Variants in PRR14L observed in about 807,000 individuals in gnomAD.
PRR14L encodes protein PRR14L.
PRR14L carries 80 observed loss-of-function variants against 155.0 expected under a neutral mutation model. That is an observed-to-expected ratio of 0.52 (90% CI 0.43 to 0.62). The LOEUF is 0.62. PRR14L is among the 20% of genes least tolerant of loss of function. The pLI, the probability that PRR14L is intolerant of heterozygous loss-of-function variation, is 0.00. For missense variants in PRR14L, 2,469 were observed against 2,548.0 expected, an observed-to-expected ratio of 0.97 and a Z score of 0.67; for synonymous variants, 883 against 916.0, an observed-to-expected ratio of 0.96 and a Z score of 0.65.
chr22:31,716,162 T>C lies in PRR14L; in HGVS notation c.1677A>G (p.Glu559=), dbSNP rs1200054101. 1.3e-6 allele frequency: 2 copies of C among 1,551,382 alleles called. No homozygotes were observed. The highest frequency in any genetic ancestry group is 1.7e-6 in the Non-Finnish European group (2 of 1,146,812). The change falls in exon 4 of 9, where the codon GAA becomes GAG. Residue 559 remains glutamate (E), a synonymous_variant. Transcript: ENST00000327423. ...CAAACAGAAAATCATTACATGATGC[T>C]TCATTTAACTGGGTGTTGCCTTCCA... is the stretch of plus-strand genomic sequence containing the variant. The part of the protein sequence containing the change: ...RNLEGNTQLN[E]ASCNDFLFER...
rs73884207 is a variant in PRR14L, at chr22:31,716,454, T to A, written c.1385A>T (p.Asn462Ile). The A allele has an allele frequency of 1.3e-6, 2 of 1,551,296 alleles. No individual in the cohort carries two copies. Residue 462 changes from asparagine to isoleucine, a missense_variant, in exon 4 of 9, where the codon AAT becomes ATT. By Grantham distance (149) the Asn-to-Ile change is moderately radical. Around this residue, in one of 2 missense-constraint regions of PRR14L, gnomAD observed 2,363 missense variants for 2,371.6 expected, o/e 1.00. Coordinates refer to ENST00000327423, the MANE Select transcript of PRR14L (RefSeq NM_173566.3). Reference sequence around the variant, plus strand: ...TACTTCTGTGGCTTCAGTAAAAGAATTGGGCATTAAAGAACTAGAGTTCCC... The same window carrying A: ...TACTTCTGTGGCTTCAGTAAAAGAAATGGGCATTAAAGAACTAGAGTTCCC... ...HTGNSSSLMP[N>I]SFTEATEVML...
chr22:31,690,017 A>G (rs1463007932), intron 7 of PRR14L, among the ~76,000 whole-genome samples: 1 of 152,032 alleles, frequency 6.6e-6, no homozygotes, highest in Non-Finnish European at 1.5e-5. Flanking sequence ...CCCGGGTTCA[A>G]GCGATTCTCC....
intron 2 of PRR14L, among the ~76,000 whole-genome samples, chr22:31,737,153 G>A (rs373540323): frequency 2.0e-5 from 3 of 151,808 alleles, no homozygotes; most frequent in East Asian, 1.9e-4. Flanking sequence ...ACCCTGTGGA[G>A]AGAGTCCGCT....
chr22:31,696,372 C>T (rs947152873), intron 7 of PRR14L, among the ~76,000 whole-genome samples: 31 of 152,096 alleles, frequency 2.0e-4, no homozygotes, highest in Non-Finnish European at 4.0e-4. Context: ...AACTTCTGAC[C>T]TCACAATCCA....
At position 31,716,136 on chromosome 22, in the gene PRR14L, T is replaced by C. The variant is rs1197725846; in HGVS notation, c.1703A>G (p.Glu568Gly). 1.3e-6 allele frequency: 2 copies of C among 1,551,420 alleles called. No individual in the cohort carries two copies. The highest frequency in any genetic ancestry group is 1.7e-6 in the Non-Finnish European group (2 of 1,146,936). ...CATTAAACTCACAATGGATTTTCTT[T>C]CAAACAGAAAATCATTACATGATGC... ...NEASCNDFLF[E>G]RKSIVSLMPE... Residue 568 changes from glutamate to glycine, a missense_variant, in exon 4 of 9, where the codon GAA becomes GGA. Physicochemically the swap from Glu to Gly is moderately conservative, Grantham distance 98. Transcript: ENST00000327423.
rs528051178 is a variant in PRR14L at position 31,724,457 on chromosome 22, G to C, written c.547+1081C>G. ...GCTCTGTTGCCCAGGATGGAGTACAGTGGTGTGATCACGGCTCACTACAGC... is the reference window on the plus strand; with the variant it reads ...GCTCTGTTGCCCAGGATGGAGTACACTGGTGTGATCACGGCTCACTACAGC... On this transcript the variant is annotated intron_variant, in intron 3 of 8. Coordinates refer to ENST00000327423, the MANE Select transcript of PRR14L (RefSeq NM_173566.3). Among the ~76,000 whole-genome samples, 7 of 152,304 alleles carry C rather than the reference G, an allele frequency of 4.6e-5. No homozygotes were observed. The East Asian group carries it at 1.4e-3, about 29-fold the overall frequency.
Position 31,738,782 on chromosome 22 carries a change from C to G in PRR14L, c.79G>C (p.Glu27Gln), listed in dbSNP as rs1239540881. 5 of 1,551,770 alleles carry G rather than the reference C, an allele frequency of 3.2e-6. No individual in the cohort carries two copies. Among genetic ancestry groups the G allele is most frequent in the Non-Finnish European group, 4.4e-6 (5 of 1,147,072 alleles). The change falls in exon 2 of 9, where the codon GAA becomes CAA. Residue 27 changes from glutamate to glutamine, a missense_variant. Glu to Gln is a conservative substitution (Grantham distance 29). Around this residue, in one of 2 missense-constraint regions of PRR14L, gnomAD observed 2,363 missense variants for 2,371.6 expected, o/e 1.00. Transcript: ENST00000327423. ...TCTCTGGAGACACTTACTGGGAGTT[C>G]AGAGTATAATTCCTGTACCACGGCA... ...MSAVVQELYS[E>Q]LPVSVSRELH...
Position 31,716,905 on chromosome 22 carries a change from G to A in PRR14L, c.934C>T (p.His312Tyr), listed in dbSNP as rs1288155816. The A allele has an allele frequency of 6.4e-7, 1 of 1,552,066 alleles. No homozygotes were observed. The highest frequency in any genetic ancestry group is 1.2e-5 in the South Asian group (1 of 84,054). ...PNLVCEADDN[H>Y]QQLHGHHNEQ... ...TTATGGTGGCCATGAAGCTGTTGGT[G>A]ATTGTCATCTGCTTCACAGACCAGG... The change falls in exon 4 of 9, where the codon CAC becomes TAC. Residue 312 changes from histidine (H) to tyrosine (Y), a missense_variant. His to Tyr is a moderately conservative substitution (Grantham distance 83, BLOSUM62 2). Coordinates refer to ENST00000327423, the MANE Select transcript of PRR14L (RefSeq NM_173566.3).
intron 7 of PRR14L, among the ~76,000 whole-genome samples, chr22:31,689,922 T>A (rs2074502804): frequency 6.6e-6 from 1 of 151,954 alleles, no homozygotes; most frequent in Middle Eastern, 3.4e-3. Context: ...ATTTTTGATT[T>A]TTTTTTTTCT....
Position 31,713,364 on chromosome 22 carries a change from G to A in PRR14L, c.4475C>T (p.Pro1492Leu), listed in dbSNP as rs2074634762. 2 of 1,552,072 alleles carry A rather than the reference G, an allele frequency of 1.3e-6. No homozygotes were observed. The highest frequency in any genetic ancestry group is 1.2e-5 in the South Asian group (1 of 84,046). ...AGAGGAGGGGTCTTGTGCTTTCCGA[G>A]GGGCACCAAGAAGGCAAGGACTTGT... ...SCTSPCLLGA[P>L]RKAQDPSSAG... is the part of the protein sequence containing the mutation. Residue 1492 changes from proline (P) to leucine (L), a missense_variant, in exon 4 of 9, where the codon CCT (proline) becomes CTT (leucine). Coordinates refer to ENST00000327423, the MANE Select transcript of PRR14L (RefSeq NM_173566.3).
intron 3 of PRR14L, among the ~76,000 whole-genome samples, chr22:31,723,945 T>C (rs2074703834): frequency 1.3e-5 from 2 of 152,232 alleles, no homozygotes. Context: ...AGCAGGCAAG[T>C]GAGCAAAGCT....
intron 7 of PRR14L, among the ~76,000 whole-genome samples, chr22:31,699,981 T>C (rs1209230533): frequency 6.6e-6 from 1 of 152,064 alleles, no homozygotes; most frequent in East Asian, 1.9e-4. Context: ...CCCCTTTCTG[T>C]ATATTGGAAT....
chr22:31,709,577 T>C (rs2074610450), intron 4 of PRR14L, among the ~76,000 whole-genome samples: 1 of 137,996 alleles, frequency 7.2e-6, no homozygotes, highest in South Asian at 2.5e-4. Context: ...AGTCTTGCTC[T>C]GTTGACAGGC....
rs201975358 is a variant in PRR14L, at chr22:31,715,470, C to A, written c.2369G>T (p.Arg790Leu). 3.2e-6 allele frequency: 5 copies of A among 1,552,304 alleles called. No homozygotes were observed. The highest frequency in any genetic ancestry group is 4.4e-6 in the Non-Finnish European group (5 of 1,147,108). The stretch of plus-strand genomic sequence containing the variant: ...TTCCTGGGATACATTTTTTCTTACA[C>A]GATGACAGCTAGAGATATCCTGAGA... ...VQSQDISSCH[R>L]VRKNVSQENM... The change falls in exon 4 of 9, where the codon CGT becomes CTT. Residue 790 changes from arginine (R) to leucine (L), a missense_variant. Physicochemically the swap from Arg to Leu is moderately radical, Grantham distance 102. This residue lies in a region of PRR14L where 2,363 missense variants were observed against 2,371.6 expected (regional missense o/e 1.00). Transcript: ENST00000327423.
At chr22:31,736,866 G>A (rs901432580) in intron 2 of PRR14L, among the ~76,000 whole-genome samples, 14 of 151,006 alleles carry the variant, frequency 9.3e-5, no homozygotes, top group South Asian at 2.1e-4. Flanking sequence ...GTGAAACCCC[G>A]TCTCTACTAA....
At chr22:31,706,135 C>T in intron 4 of PRR14L, among the ~76,000 whole-genome samples, 1 of 151,882 alleles carries the variant, frequency 6.6e-6, no homozygotes, top group Non-Finnish European at 1.5e-5. Flanking sequence ...AATTCAAGAC[C>T]AGCCTGGCCA....
chr22:31,745,777 G>A (rs1328850819), intron 1 of PRR14L, among the ~76,000 whole-genome samples: 3 of 151,412 alleles, frequency 2.0e-5, no homozygotes, highest in Non-Finnish European at 4.4e-5. Context: ...AACCTGGGAG[G>A]CAGAGGTTGC....
Position 31,713,721 on chromosome 22 carries a change from GA to G in PRR14L, c.4117del (p.Ser1373LeufsTer53). 1 of 1,552,360 alleles carries G rather than the reference GA, an allele frequency of 6.4e-7. No homozygotes were observed. Among genetic ancestry groups the G allele is most frequent in the Non-Finnish European group, 8.7e-7 (1 of 1,147,160 alleles). On this transcript the variant is annotated frameshift_variant, in exon 4 of 9. Coordinates refer to ENST00000327423, the MANE Select transcript of PRR14L (RefSeq NM_173566.3). LOFTEE classifies it high-confidence loss of function. ...TGDGDPVSNI[S>X]QTHFKCRGIL... is the part of the protein sequence containing the mutation. ...CCCCCGGCATTTAAAATGGGTCTGA[GA>G]GATGTTGCTCACGGGATCGCCATCG...
chr22:31,737,315 T>C (rs2074787675), intron 2 of PRR14L, among the ~76,000 whole-genome samples: 1 of 151,688 alleles, frequency 6.6e-6, no homozygotes, highest in South Asian at 2.1e-4. Flanking sequence ...GCCCTATCTC[T>C]ACTAAAACTA....
Sources: allele counts gnomAD v4.1 joint callset (sites outside exome capture counted in the v4.1 genomes callset), GRCh38; gene constraint gnomAD v4.1.1; regional missense constraint gnomAD v4.1.1; transcripts MANE v1.5; gene names NCBI Gene and HGNC (gene_info 2026-07-23, HGNC 2026-07-21).